The following CSMD1 variants were observed in gnomAD, a reference collection of about 807,000 sequenced individuals.
The protein encoded by CSMD1 is CUB and Sushi multiple domains 1.
A neutral mutation model predicts 417.5 loss-of-function variants in CSMD1; 213 were observed. The observed-to-expected ratio is 0.51, with a 90% confidence interval of 0.46 to 0.57. The LOEUF is 0.57. Ranked by LOEUF, CSMD1 falls within the 20% of genes least tolerant of loss-of-function variation. CSMD1 has a pLI of 0.00. For missense variants in CSMD1, 6,923 were observed against 4,529.7 expected, an observed-to-expected ratio of 1.53 and a Z score of -15.17; for synonymous variants, 2,862 against 1,736.8, an observed-to-expected ratio of 1.65 and a Z score of -16.11.
intron 1 of CSMD1, among the ~76,000 whole-genome samples, chr8:4,760,809 G>A (rs995871110): frequency 6.6e-6 from 1 of 152,122 alleles, no homozygotes; most frequent in Admixed American, 6.6e-5. Context: ...CACGCAAAAA[G>A]ATCTGCTGCA....
intron 69 of CSMD1, among the ~76,000 whole-genome samples, chr8:2,939,184 G>C (rs1342972774): frequency 2.0e-5 from 3 of 152,124 alleles, no homozygotes; most frequent in Non-Finnish European, 4.4e-5. Context: ...GTTTTGTTTT[G>C]GATGTCTATT....
intron 6 of CSMD1, among the ~76,000 whole-genome samples, chr8:3,724,491 T>C (rs1417307226): frequency 5.3e-5 from 8 of 152,114 alleles, no homozygotes; most frequent in African/African-American, 1.9e-4. Flanking sequence ...CTATATAACC[T>C]TTAAAAAATG....
chr8:3,407,809 T>C, intron 14 of CSMD1, 90 bp downstream of exon 14: 9 of 1,124,502 alleles, frequency 8.0e-6, no homozygotes, highest in Non-Finnish European at 1.1e-5. Context: ...AGTATCAACC[T>C]TGAAATGCAA....
intron 5 of CSMD1, among the ~76,000 whole-genome samples, chr8:3,986,532 T>A (rs774266388): frequency 2.0e-5 from 3 of 152,186 alleles, no homozygotes; most frequent in Admixed American, 6.5e-5. Flanking sequence ...TCTACTCCCA[T>A]GATCAGCAGA....
chr8:3,716,285 G>C (rs924624734), intron 6 of CSMD1, among the ~76,000 whole-genome samples: 1 of 152,166 alleles, frequency 6.6e-6, no homozygotes, highest in Non-Finnish European at 1.5e-5. Context: ...ACAGAATTCA[G>C]TGGGAGTCCA....
At chr8:4,651,227 C>G (rs1355871583) in intron 1 of CSMD1, among the ~76,000 whole-genome samples, 2 of 152,078 alleles carry the variant, frequency 1.3e-5, no homozygotes, top group East Asian at 3.8e-4. Flanking sequence ...TATTAAATAC[C>G]TGGCAAACAG....
At chr8:4,199,223 G>C (rs1799511257) in intron 3 of CSMD1, among the ~76,000 whole-genome samples, 1 of 98,898 alleles carries the variant, frequency 1.0e-5, no homozygotes, top group Middle Eastern at 4.4e-3. Context: ...ATATCCTCTT[G>C]AGGTTAGACC....
intron 5 of CSMD1, among the ~76,000 whole-genome samples, chr8:3,865,971 G>T (rs7843157): frequency 6.6e-6 from 1 of 151,952 alleles, no homozygotes; most frequent in Non-Finnish European, 1.5e-5. Flanking sequence ...ATAATGAAAA[G>T]TGAAAGGAAT....
Position 3,473,415 on chromosome 8 carries a change from C to T in CSMD1, c.1449-4591G>A, listed in dbSNP as rs182361991. On this transcript the variant is annotated intron_variant, in intron 11 of 69. Coordinates refer to ENST00000635120, the MANE Select transcript of CSMD1 (RefSeq NM_033225.6). The stretch of plus-strand genomic sequence containing the variant: ...CTGATTAACTTACAAAAATTTCATA[C>T]AGTAAAAGCACTTTTTATTTTTAAA... Among the ~76,000 whole-genome samples, 8 of 152,244 alleles carry T rather than the reference C, an allele frequency of 5.3e-5. No homozygotes were observed. The East Asian group carries it at 9.6e-4, about 18-fold the overall frequency.
At chr8:4,604,174 C>G (rs1416651033) in intron 2 of CSMD1, among the ~76,000 whole-genome samples, 2 of 151,976 alleles carry the variant, frequency 1.3e-5, no homozygotes, top group South Asian at 4.1e-4. Context: ...ATTCCAAAGT[C>G]CTCACATAAT....
chr8:3,424,544 T>C (rs1813700443), intron 12 of CSMD1, among the ~76,000 whole-genome samples: 1 of 152,232 alleles, frequency 6.6e-6, no homozygotes, highest in African/African-American at 2.4e-5. Flanking sequence ...CTATTGTTCT[T>C]GTAGTTTTTG....
At position 3,786,229 on chromosome 8, in the gene CSMD1, G is replaced by C. The variant is rs62479707; in HGVS notation, c.819-32187C>G. Reference sequence around the variant, plus strand: ...TTGGGCACGTTGGGATCAAGGTGTCGCTAAGACATTGTCGGGAGATGTCAA... The same window carrying C: ...TTGGGCACGTTGGGATCAAGGTGTCCCTAAGACATTGTCGGGAGATGTCAA... On this transcript the variant is annotated intron_variant, in intron 5 of 69. Transcript: ENST00000635120. Among the ~76,000 whole-genome samples the C allele has an allele frequency of 3.0e-4, 45 of 152,178 alleles. 1 individual carries two copies. Among genetic ancestry groups the C allele is most frequent in the Non-Finnish European group, 5.4e-4 (37 of 68,012 alleles).
In CSMD1 at chr8:4,837,922, A is replaced by G. The variant is rs562118832; in HGVS notation, c.85+156410T>C. Among the ~76,000 whole-genome samples the G allele has an allele frequency of 3.9e-5, 6 of 152,230 alleles. No homozygotes were observed. In the East Asian group the frequency reaches 7.7e-4, roughly 20 times the overall value. On this transcript the variant is annotated intron_variant, in intron 1 of 69. Coordinates refer to ENST00000635120, the MANE Select transcript of CSMD1 (RefSeq NM_033225.6). The stretch of plus-strand genomic sequence containing the variant: ...AATTAAAAAAAAATAAAAATAAACT[A>G]AAAGACAGATATAGACACAATCTAG...
At chr8:4,019,941 T>C (rs1796707327) in intron 4 of CSMD1, among the ~76,000 whole-genome samples, 1 of 151,752 alleles carries the variant, frequency 6.6e-6, no homozygotes, top group Non-Finnish European at 1.5e-5. Context: ...ACCCTTTTTT[T>C]TAAGAGCTAC....
chr8:3,984,871 G>T (rs756044491), intron 5 of CSMD1, among the ~76,000 whole-genome samples: 10 of 151,312 alleles, frequency 6.6e-5, no homozygotes, highest in Non-Finnish European at 2.9e-5. Context: ...TGAAGAGAAA[G>T]TTTGAATCTA....
At chr8:3,666,905 C>G (rs764200148) in intron 7 of CSMD1, among the ~76,000 whole-genome samples, 2 of 152,150 alleles carry the variant, frequency 1.3e-5, no homozygotes, top group African/African-American at 2.4e-5. Context: ...ACTATTACAC[C>G]TGCTATGGTG....
intron 3 of CSMD1, among the ~76,000 whole-genome samples, chr8:4,064,365 T>A (rs1002995782): frequency 1.3e-5 from 2 of 152,214 alleles, no homozygotes; most frequent in African/African-American, 2.4e-5. Context: ...TATCTCTGTT[T>A]AGGGTTTTCT....
intron 1 of CSMD1, among the ~76,000 whole-genome samples, chr8:4,906,610 G>A (rs868649564): frequency 6.6e-6 from 1 of 152,026 alleles, no homozygotes; most frequent in Non-Finnish European, 1.5e-5. Flanking sequence ...CCAGGTTGAA[G>A]TGCAGTGGCA....
rs113922014 is a variant in CSMD1, at chr8:3,312,298, T to C, written c.3632-3795A>G. The stretch of plus-strand genomic sequence containing the variant: ...TATTTATGGCAGCGTAGTTTTCTCT[T>C]TATATGACCAGCTGTCTCCTTTTTT... On this transcript the variant is annotated intron_variant, in intron 23 of 69. Coordinates refer to ENST00000635120, the MANE Select transcript of CSMD1 (RefSeq NM_033225.6). Among the ~76,000 whole-genome samples the C allele has an allele frequency of 3.0e-3, 456 of 152,330 alleles. 2 individuals carry two copies. Among genetic ancestry groups the C allele is most frequent in the Non-Finnish European group, 5.6e-3 (384 of 68,024 alleles).
Sources: gnomAD v4.1 joint callset for allele counts (sites outside exome capture counted in the v4.1 genomes callset) on GRCh38, gnomAD v4.1.1 for gene constraint, MANE v1.5 for transcripts, NCBI Gene and HGNC (gene_info 2026-07-23, HGNC 2026-07-21) for gene names.